Variants in CAAP1 observed in about 807,000 individuals in gnomAD.
CAAP1 encodes the protein caspase activity and apoptosis inhibitor 1.
Under a neutral mutation model 34.0 loss-of-function variants are expected in CAAP1, and 20 were observed. That is an observed-to-expected ratio of 0.59 (90% confidence interval 0.41 to 0.86). The LOEUF (loss-of-function observed/expected upper bound fraction) is 0.86. Among genes scored for constraint, CAAP1 ranks in the 40% least tolerant of loss-of-function variants. The pLI, the probability that CAAP1 is intolerant of heterozygous loss-of-function variation, is 0.00. For missense variants in CAAP1, 538 were observed against 450.5 expected (o/e 1.19, Z -1.76); for synonymous variants, 213 against 166.7 (o/e 1.28, Z -2.14).
chr9:26,872,720 A>C (rs1823311177), intron 4 of CAAP1, among the ~76,000 whole-genome samples: 1 of 151,864 alleles, frequency 6.6e-6, no homozygotes, highest in Admixed American at 6.6e-5. Context: ...CCATCCCCTA[A>C]AATAATTCTT....
At chr9:26,870,190 T>C (rs1467105506) in intron 4 of CAAP1, among the ~76,000 whole-genome samples, 1 of 152,066 alleles carries the variant, frequency 6.6e-6, no homozygotes, top group Non-Finnish European at 1.5e-5. Context: ...GACAAACTCA[T>C]GCCCTGCCAT....
chr9:26,862,023 C>CT (rs1271750114), intron 4 of CAAP1, among the ~76,000 whole-genome samples: 1 of 152,128 alleles, frequency 6.6e-6, no homozygotes, highest in African/African-American at 2.4e-5. Flanking sequence ...TAAAACTGCA[C>CT]TAATACAAGC....
At chr9:26,872,632 C>A (rs369944328) in intron 4 of CAAP1, among the ~76,000 whole-genome samples, 1 of 151,134 alleles carries the variant, frequency 6.6e-6, no homozygotes, top group East Asian at 1.9e-4. Flanking sequence ...TCAAAGCTCA[C>A]TGTAGCCTCA....
chr9:26,879,375 C>G lies in CAAP1; in HGVS notation c.665+5435G>C, dbSNP rs144485510. Among the ~76,000 whole-genome samples, 80 of 152,270 alleles carry G rather than the reference C, an allele frequency of 5.3e-4. 1 individual carries two copies. The East Asian group carries it at 0.014, about 27-fold the overall frequency. ...TGAAATATTCTGACTTGCATTAATG[C>G]TTTACGTCCCTGAATTTACGTTAAA... On this transcript the variant is annotated intron_variant, in intron 4 of 5. Coordinates refer to ENST00000333916, the MANE Select transcript of CAAP1 (RefSeq NM_024828.4).
chr9:26,852,028 A>C (rs2184739), intron 5 of CAAP1, among the ~76,000 whole-genome samples: 17,344 of 152,124 alleles, frequency 0.11, 2,065 homozygotes, highest in East Asian at 0.69. Flanking sequence ...TTCTAATTTT[A>C]GATAATGTAA....
Position 26,880,177 on chromosome 9 carries a change from T to G in CAAP1, c.665+4633A>C, listed in dbSNP as rs1823555527. The G allele has an allele frequency of 1.4e-4, 41 of 289,402 alleles. 4 individuals carry two copies. Among genetic ancestry groups the G allele is most frequent in the South Asian group, 1.2e-3 (41 of 34,262 alleles). The allele number at this position is 289,402 out of a possible 1,614,324, so 17.9% of individuals were successfully genotyped here. The stretch of plus-strand genomic sequence containing the variant: ...AAGGATGTTCTCCACACTCACGGGG[T>G]GTCTTTTGGCATAATTGTTATACAT... On this transcript the variant is annotated intron_variant, in intron 4 of 5. Coordinates refer to ENST00000333916, the MANE Select transcript of CAAP1 (RefSeq NM_024828.4).
intron 5 of CAAP1, among the ~76,000 whole-genome samples, chr9:26,844,579 TGA>T (rs1822553785): frequency 6.6e-6 from 1 of 152,182 alleles, no homozygotes; most frequent in East Asian, 1.9e-4. Flanking sequence ...AATAATATAA[TGA>T]GGGGGTGGAG....
chr9:26,887,628 T>C, intron 1 of CAAP1, 115 bp from the exon 2 acceptor site: 1 of 647,574 alleles, frequency 1.5e-6, no homozygotes. Context: ...AATTCCCAAA[T>C]TCTTTGCATA....
chr9:26,884,050 G>A (rs902609306), intron 4 of CAAP1, among the ~76,000 whole-genome samples: 1 of 152,096 alleles, frequency 6.6e-6, no homozygotes, highest in Non-Finnish European at 1.5e-5. Flanking sequence ...TACTGCCTGT[G>A]ACACAAGTAT....
Position 26,892,221 on chromosome 9 carries a change from T to C in CAAP1, c.303+192A>G, listed in dbSNP as rs115704734. ...GATCAGGAAATCCAGAAACTTGAAGTTCAAGATTCAAGACACGGATGGGAG... is the reference window on the plus strand; with the variant it reads ...GATCAGGAAATCCAGAAACTTGAAGCTCAAGATTCAAGACACGGATGGGAG... On this transcript the variant is annotated intron_variant, in intron 1 of 5. Coordinates refer to ENST00000333916, the MANE Select transcript of CAAP1 (RefSeq NM_024828.4). 2.0e-3 allele frequency: 2,767 copies of C among 1,414,450 alleles called. 48 individuals are homozygous for C. The African/African-American group carries it at 0.034, about 17-fold the overall frequency. 87.6% of individuals were successfully genotyped at this position (1,414,450 alleles called of 1,614,324 possible).
chr9:26,846,830 G>C (rs1384728501), intron 5 of CAAP1, among the ~76,000 whole-genome samples: 1 of 151,988 alleles, frequency 6.6e-6, no homozygotes, highest in Admixed American at 6.5e-5. Context: ...TGGGATTACA[G>C]GCATGCGCCA....
chr9:26,892,051 T>C (rs1823915762), intron 1 of CAAP1, among the ~76,000 whole-genome samples: 1 of 152,016 alleles, frequency 6.6e-6, no homozygotes, highest in Non-Finnish European at 1.5e-5. Context: ...GAGTTAACCA[T>C]ATCTACGAAA....
chr9:26,881,666 T>C (rs141813647), intron 4 of CAAP1, among the ~76,000 whole-genome samples: 212 of 152,284 alleles, frequency 1.4e-3, no homozygotes, highest in African/African-American at 4.9e-3. Context: ...CTATTAGCAG[T>C]GTGAAAACAG....
intron 4 of CAAP1, among the ~76,000 whole-genome samples, chr9:26,883,797 G>A (rs944684177): frequency 6.6e-6 from 1 of 152,070 alleles, no homozygotes; most frequent in Non-Finnish European, 1.5e-5. Context: ...AAGTTAACAG[G>A]CCTTGTAAAT....
intron 4 of CAAP1, among the ~76,000 whole-genome samples, chr9:26,861,974 T>A (rs1261286278): frequency 6.6e-6 from 1 of 152,098 alleles, no homozygotes; most frequent in Non-Finnish European, 1.5e-5. Flanking sequence ...ACAATATTCT[T>A]TCCAGTCAGC....
At chr9:26,844,572 A>G (rs1468889019) in intron 5 of CAAP1, among the ~76,000 whole-genome samples, 1 of 152,224 alleles carries the variant, frequency 6.6e-6, no homozygotes, top group Non-Finnish European at 1.5e-5. Context: ...AGAGCTGAAT[A>G]ATATAATGAG....
At chr9:26,849,646 A>C (rs558863146) in intron 5 of CAAP1, among the ~76,000 whole-genome samples, 1 of 152,180 alleles carries the variant, frequency 6.6e-6, no homozygotes, top group Admixed American at 6.6e-5. Context: ...CAATAACATT[A>C]GTTTAACATC....
intron 4 of CAAP1, among the ~76,000 whole-genome samples, chr9:26,866,488 T>C (rs1823141932): frequency 1.3e-5 from 2 of 152,238 alleles, no homozygotes; most frequent in African/African-American, 4.8e-5. Context: ...ACTCTCACTA[T>C]ATCCTTTTAA....
intron 1 of CAAP1, 80 bp downstream of exon 1, chr9:26,892,333 T>G (rs753079342): frequency 1.9e-5 from 30 of 1,565,476 alleles, no homozygotes; most frequent in Non-Finnish European, 2.6e-5. Flanking sequence ...AGCTCCAGCC[T>G]GCGCCCCATC....
Sources: gnomAD v4.1 joint callset for allele counts (sites outside exome capture counted in the v4.1 genomes callset) on GRCh38, gnomAD v4.1.1 for gene constraint, MANE v1.5 for transcripts, NCBI Gene and HGNC (gene_info 2026-07-23, HGNC 2026-07-21) for gene names.